The following CRACR2B variants were observed in gnomAD, a reference collection of about 807,000 sequenced individuals.
CRACR2B encodes EF-hand calcium-binding domain-containing protein 4A.
Under a neutral mutation model 46.0 loss-of-function variants are expected in CRACR2B, and 50 were observed. The ratio of observed to expected loss-of-function variants is 1.09; its 90% confidence interval spans 0.87 to 1.38. CRACR2B has a LOEUF of 1.38. Among genes scored for constraint, CRACR2B ranks in the 40% most tolerant of loss-of-function variants. The probability of loss-of-function intolerance (pLI) is 0.00; values close to 1 mark genes in which losing one functional copy is unlikely to be tolerated. For synonymous variants in CRACR2B, 277 were observed against 239.6 expected (o/e 1.16, Z -1.44); for missense variants, 667 against 535.0 (o/e 1.25, Z -2.43).
In CRACR2B at chr11:828,567, C is replaced by A. The variant is rs1382967648; in HGVS notation, c.-41C>A. On this transcript the variant is annotated 5_prime_UTR_variant, in exon 1 of 9. Transcript: ENST00000525077. ...TGAATTTCTTCTGACCCTCCCTTGG[C>A]TTCACAGCACCTGAAGGCCAGGCTG... The A allele has an allele frequency of 3.9e-6, 6 of 1,553,452 alleles. No individual in the cohort carries two copies. The highest frequency in any genetic ancestry group is 4.3e-6 in the Non-Finnish European group (5 of 1,158,542).
In CRACR2B at chr11:829,454, G is replaced by A. The variant is rs756848920; in HGVS notation, c.372G>A (p.Thr124=). Residue 124 remains threonine (T), a synonymous_variant, in exon 3 of 9, where the codon ACG becomes ACA. Coordinates refer to ENST00000525077, the MANE Select transcript of CRACR2B (RefSeq NM_001286606.2). The stretch of plus-strand genomic sequence containing the variant: ...CGGGCGGGCTCGACGTGCAGGGCAC[G>A]GCGGGCTCTCTGGATGAGGAGGAGG... ...FESGGLDVQG[T]AGSLDEEEEE... is the part of the protein sequence containing the mutation. 1 of 1,610,258 alleles carries A rather than the reference G, an allele frequency of 6.2e-7. No individual in the cohort carries two copies. The highest frequency in any genetic ancestry group is 8.5e-7 in the Non-Finnish European group (1 of 1,179,046).
rs751464129 is a variant in CRACR2B, at chr11:828,659, G to A, written c.52G>A (p.Glu18Lys). ...TGATGAGGCCCAGGAGGAGGAGGGGGAACTCGAGGGGGGCTCTGCAGGGCC... is the reference window on the plus strand; with the variant it reads ...TGATGAGGCCCAGGAGGAGGAGGGGAAACTCGAGGGGGGCTCTGCAGGGCC... ...GADEAQEEEG[E>K]LEGGSAGPRA... is the part of the protein sequence containing the mutation. The change falls in exon 1 of 9, where the codon GAA becomes AAA. Residue 18 changes from glutamate to lysine, a missense_variant. Transcript: ENST00000525077. The A allele has an allele frequency of 1.9e-6, 3 of 1,608,022 alleles. No individual in the cohort carries two copies. Among genetic ancestry groups the A allele is most frequent in the South Asian group, 1.1e-5 (1 of 90,656 alleles).
rs766853619 is a variant in CRACR2B, at chr11:830,306, T to C, written c.662T>C (p.Leu221Pro). The change falls in exon 5 of 9, where the codon CTT (leucine) becomes CCT (proline). Residue 221 changes from leucine to proline, a missense_variant. Transcript: ENST00000525077. ...GCTCTGTACGAGGAGACGGAGCAGC[T>C]TCGGGAGCAGAGCCGGCGCCCGCCG... ...VRALYEETEQ[L>P]REQSRRPPSQ... 3 of 1,534,538 alleles carry C rather than the reference T, an allele frequency of 2.0e-6. No individual in the cohort carries two copies. Among genetic ancestry groups the C allele is most frequent in the South Asian group, 1.2e-5 (1 of 83,822 alleles).
chr11:830,225 T>C (rs1296849758), intron 4 of CRACR2B, 25 bp from the exon 5 acceptor site: 34 of 1,497,332 alleles, frequency 2.3e-5, no homozygotes, highest in Non-Finnish European at 2.9e-5. Flanking sequence ...CAAGTTCTCA[T>C]CCGGGGTCGC....
At position 830,332 on chromosome 11, in the gene CRACR2B, A is replaced by C; in HGVS notation, c.688A>C (p.Ser230Arg). Residue 230 changes from serine (S) to arginine (R), a missense_variant, in exon 5 of 9, where the codon AGT becomes CGT. Coordinates refer to ENST00000525077, the MANE Select transcript of CRACR2B (RefSeq NM_001286606.2). ...TCGGGAGCAGAGCCGGCGCCCGCCG[A>C]GTCAGGTGGGCCTCGGGCCCCGCCC... ...QLREQSRRPP[S>R]QNFARGERRS... is the part of the protein sequence containing the mutation. 1 of 1,535,302 alleles carries C rather than the reference A, an allele frequency of 6.5e-7. No individual in the cohort carries two copies.
intron 5 of CRACR2B, 82 bp from the exon 6 acceptor site, chr11:830,539 C>A (rs959078068): frequency 1.4e-5 from 21 of 1,545,294 alleles, no homozygotes; most frequent in East Asian, 2.4e-5. Flanking sequence ...CCCGGGCCCA[C>A]TCCCAGCCCC....
rs1238418323 is a variant in CRACR2B at position 828,895 on chromosome 11, CTG to C, written c.213_214del (p.Phe72Ter). 4 of 1,609,706 alleles carry C rather than the reference CTG, an allele frequency of 2.5e-6. No individual in the cohort carries two copies. Among genetic ancestry groups the C allele is most frequent in the East Asian group, 2.2e-5 (1 of 44,888 alleles). On this transcript the variant is annotated frameshift_variant, in exon 2 of 9. Transcript: ENST00000525077. LOFTEE classifies it high-confidence loss of function. Reference sequence around the variant, plus strand: ...CCCCTCACGCCAGAGCAGCTGGAGGCTGTGTTTGAAAGTCTGGACCGGGCTCA... The same window carrying C: ...CCCCTCACGCCAGAGCAGCTGGAGGCTGTTTGAAAGTCTGGACCGGGCTCA...
chr11:829,845 C>G, intron 3 of CRACR2B, 141 bp from the exon 4 acceptor site: 1 of 1,408,608 alleles, frequency 7.1e-7, no homozygotes, highest in East Asian at 2.6e-5. Context: ...CGAAAGCGCT[C>G]ACGGGAGGGA....
chr11:829,271 G>A (rs1027201961), intron 2 of CRACR2B, 89 bp from the exon 3 acceptor site: 11 of 1,500,668 alleles, frequency 7.3e-6, no homozygotes, highest in Non-Finnish European at 9.8e-6. Flanking sequence ...GGCCCTGAGA[G>A]AGGGCAGGAT....
upstream of CRACR2B, chr11:827,418 TCG>T: frequency 2.3e-6 from 1 of 438,296 alleles, no homozygotes; most frequent in Non-Finnish European, 3.0e-6. Flanking sequence ...AGCGTCTCGG[TCG>T]GGAACTCCGG....
chr11:831,727 A>C lies in CRACR2B; in HGVS notation c.*18A>C, dbSNP rs1846470060. 3.4e-6 allele frequency: 5 copies of C among 1,488,634 alleles called. No individual in the cohort carries two copies. The highest frequency in any genetic ancestry group is 4.4e-6 in the Non-Finnish European group (5 of 1,130,350). 92.2% of individuals were successfully genotyped at this position (1,488,634 alleles called of 1,614,324 possible). A position where few individuals can be genotyped will look rare whatever the true frequency, so the allele number is the denominator to read the frequency against. On this transcript the variant is annotated 3_prime_UTR_variant, in exon 9 of 9. Transcript: ENST00000525077. ...CCCGGTGACCAGCCCCGAGTGACTC[A>C]CGGACCATGAGCTAGAAGCTGCCCT...
In CRACR2B at chr11:829,860, C is replaced by T. The variant is rs1846246269; in HGVS notation, c.459-126C>T. The T allele has an allele frequency of 3.5e-6, 5 of 1,430,496 alleles. No individual in the cohort carries two copies. In the South Asian group the frequency reaches 5.9e-5, roughly 17 times the overall value. 88.6% of individuals were successfully genotyped at this position (1,430,496 alleles called of 1,614,324 possible). A position where few individuals can be genotyped will look rare whatever the true frequency, so the allele number is the denominator to read the frequency against. On this transcript the variant is annotated intron_variant, in intron 3 of 8. Coordinates refer to ENST00000525077, the MANE Select transcript of CRACR2B (RefSeq NM_001286606.2). ...CGAAAGCGCTCACGGGAGGGATGCC[C>T]TGCACGCAGCAAGTGCTCCTGTCCT...
chr11:827,077 C>T (rs1275712804), upstream of CRACR2B, among the ~76,000 whole-genome samples: 2 of 152,154 alleles, frequency 1.3e-5, no homozygotes, highest in African/African-American at 2.4e-5. Context: ...ACTGCTCGCT[C>T]GAGCCTCCAG....
rs529413642 is a variant in CRACR2B at position 831,063 on chromosome 11, G to T, written c.953+31G>T. 8.5e-6 allele frequency: 13 copies of T among 1,536,902 alleles called. No individual in the cohort carries two copies. In the African/African-American group the frequency reaches 1.4e-4, roughly 16 times the overall value. ...GTGGGACGGGGCTGGGCGGGCCCCG[G>T]TGCGTGTCCCGGGGGCGGGGCCGAC... On this transcript the variant is annotated intron_variant, in intron 7 of 8. Transcript: ENST00000525077.
Position 830,321 on chromosome 11 carries a change from G to C in CRACR2B, c.677G>C (p.Arg226Pro). Residue 226 changes from arginine to proline, a missense_variant, in exon 5 of 9, where the codon CGG becomes CCG. Physicochemically the swap from Arg to Pro is moderately radical, Grantham distance 103 (BLOSUM62 -2). Coordinates refer to ENST00000525077, the MANE Select transcript of CRACR2B (RefSeq NM_001286606.2). The stretch of plus-strand genomic sequence containing the variant: ...ACGGAGCAGCTTCGGGAGCAGAGCC[G>C]GCGCCCGCCGAGTCAGGTGGGCCTC... The part of the protein sequence containing the change: ...EETEQLREQS[R>P]RPPSQNFARG... The C allele has an allele frequency of 6.5e-7, 1 of 1,534,688 alleles. No homozygotes were observed. The highest frequency in any genetic ancestry group is 8.7e-7 in the Non-Finnish European group (1 of 1,144,354).
At chr11:829,594 C>T (rs1192046825) in intron 3 of CRACR2B, 54 bp downstream of exon 3, 3 of 1,479,258 alleles carry the variant, frequency 2.0e-6, no homozygotes, top group South Asian at 1.3e-5. Context: ...TCTCTGCCTG[C>T]ATGCTGTCTG....
At chr11:831,134 G>A (rs1343192677) in intron 7 of CRACR2B, 90 bp from the exon 8 acceptor site, 5 of 1,592,094 alleles carry the variant, frequency 3.1e-6, no homozygotes, top group Non-Finnish European at 2.6e-6. Flanking sequence ...CAAGTCCCAG[G>A]CCCGCCCCGT....
rs1846197485 is a variant in CRACR2B, at chr11:829,420, C to A, written c.338C>A (p.Thr113Asn). Residue 113 changes from threonine to asparagine, a missense_variant, in exon 3 of 9, where the codon ACC (threonine) becomes AAC (asparagine). Thr to Asn is a moderately conservative substitution (Grantham distance 65). Transcript: ENST00000525077. ...GANPCRTPEE[T>N]FESGGLDVQG... The stretch of plus-strand genomic sequence containing the variant: ...AACCCCTGCAGGACTCCCGAGGAGA[C>A]CTTTGAGTCGGGCGGGCTCGACGTG... The A allele has an allele frequency of 6.2e-7, 1 of 1,610,790 alleles. No homozygotes were observed. Among genetic ancestry groups the A allele is most frequent in the African/African-American group, 1.3e-5 (1 of 74,928 alleles).
upstream of CRACR2B, among the ~76,000 whole-genome samples, chr11:826,488 A>G (rs767219832): frequency 6.6e-6 from 1 of 152,218 alleles, no homozygotes; most frequent in Non-Finnish European, 1.5e-5. Flanking sequence ...ACCCATACAT[A>G]TACACTGAAT....
Sources: gnomAD v4.1 joint callset for allele counts (sites outside exome capture counted in the v4.1 genomes callset) on GRCh38, gnomAD v4.1.1 for gene constraint, MANE v1.5 for transcripts, NCBI Gene and HGNC (gene_info 2026-07-23, HGNC 2026-07-21) for gene names.